PTPN12: variants seen among roughly 807,000 people sequenced by gnomAD.
PTPN12 encodes the protein protein tyrosine phosphatase non-receptor type 12.
Under a neutral mutation model 97.6 loss-of-function variants are expected in PTPN12, and 29 were observed. That is an observed-to-expected ratio of 0.30 (90% CI 0.22 to 0.41). PTPN12 has a LOEUF of 0.41. Among genes scored for constraint, PTPN12 ranks in the 10% least tolerant of loss-of-function variants. The pLI, the probability that PTPN12 is intolerant of heterozygous loss-of-function variation, is 1.00. For missense variants in PTPN12, 819 were observed against 926.0 expected, an observed-to-expected ratio of 0.88 and a Z score of 1.50; for synonymous variants, 327 against 300.4, an observed-to-expected ratio of 1.09 and a Z score of -0.91.
Position 77,551,038 on chromosome 7 carries a change from GTTTATTTA to G in PTPN12, c.99+13408_99+13415del, listed in dbSNP as rs570706561. Among the ~76,000 whole-genome samples, 179 of 151,992 alleles carry G rather than the reference GTTTATTTA, an allele frequency of 1.2e-3. 1 individual carries two copies. The highest frequency in any genetic ancestry group is 2.1e-3 in the Non-Finnish European group (146 of 67,960). On this transcript the variant is annotated intron_variant, in intron 1 of 17. Transcript: ENST00000248594. ...ATGCTTCAGGATCTTGATCCCACTTGTTTATTTATTTATTTATTTATTATTTTTCATTT... is the reference window on the plus strand; with the variant it reads ...ATGCTTCAGGATCTTGATCCCACTTGTTTATTTATTTATTATTTTTCATTT...
chr7:77,617,491 G>C (rs1788791751), intron 11 of PTPN12, among the ~76,000 whole-genome samples: 1 of 152,194 alleles, frequency 6.6e-6, no homozygotes, highest in Non-Finnish European at 1.5e-5. Flanking sequence ...GGAAGTAATT[G>C]AAGTAACAGT....
intron 1 of PTPN12, 88 bp downstream of exon 1, chr7:77,537,733 A>G: frequency 7.2e-7 from 1 of 1,397,300 alleles, no homozygotes; most frequent in Admixed American, 2.3e-5. Flanking sequence ...TGCTTTGTGT[A>G]CCTCTGTGAG....
chr7:77,571,628 T>G lies in PTPN12; in HGVS notation c.208+442T>G, dbSNP rs568585906. ...ACTCAAACATCTGTGTGTCTACTAT[T>G]CTCAGCAGTCTGAATATGTGCCTCT... On this transcript the variant is annotated intron_variant, in intron 2 of 17. Coordinates refer to ENST00000248594, the MANE Select transcript of PTPN12 (RefSeq NM_002835.4). Among the ~76,000 whole-genome samples the G allele has an allele frequency of 2.6e-5, 4 of 152,334 alleles. No homozygotes were observed. In the South Asian group the frequency reaches 8.3e-4, roughly 32 times the overall value.
chr7:77,619,879 C>G (rs1049768707), intron 12 of PTPN12, among the ~76,000 whole-genome samples: 6 of 152,066 alleles, frequency 3.9e-5, no homozygotes, highest in African/African-American at 1.4e-4. Context: ...TTTAAATGTT[C>G]GAGATGTTAA....
At chr7:77,629,389 G>A (rs1321522352) in intron 13 of PTPN12, among the ~76,000 whole-genome samples, 1 of 152,140 alleles carries the variant, frequency 6.6e-6, no homozygotes, top group Non-Finnish European at 1.5e-5. Flanking sequence ...AATTGCTAAT[G>A]TCTTTTGTTC....
At chr7:77,541,167 G>A (rs752561512) in intron 1 of PTPN12, among the ~76,000 whole-genome samples, 2 of 152,064 alleles carry the variant, frequency 1.3e-5, no homozygotes, top group Non-Finnish European at 2.9e-5. Context: ...CCTGGCTCAC[G>A]GCAGCGTCGG....
intron 1 of PTPN12, 70 bp from the exon 2 acceptor site, chr7:77,571,008 C>A: frequency 1.0e-6 from 1 of 1,004,206 alleles, no homozygotes; most frequent in South Asian, 1.7e-5. Context: ...TTGGGGTCAC[C>A]AGATTTCATT....
At chr7:77,596,951 A>C (rs977953391) in intron 6 of PTPN12, among the ~76,000 whole-genome samples, 2 of 152,166 alleles carry the variant, frequency 1.3e-5, no homozygotes, top group Middle Eastern at 3.2e-3. Context: ...TTGAAGAAAT[A>C]TATGATGACG....
chr7:77,583,280 A>G (rs1787581479), intron 3 of PTPN12, among the ~76,000 whole-genome samples: 1 of 152,184 alleles, frequency 6.6e-6, no homozygotes, highest in Non-Finnish European at 1.5e-5. Context: ...ATTAATGCCT[A>G]GATAAGTAAT....
intron 8 of PTPN12, among the ~76,000 whole-genome samples, chr7:77,605,409 GTTTT>G (rs751962814): frequency 0.031 from 2,958 of 95,430 alleles, 530 homozygotes; most frequent in East Asian, 0.12. Flanking sequence ...TTTGTCATGA[GTTTT>G]TTTTTTTTTT....
chr7:77,613,666 G>A (rs550432283), intron 11 of PTPN12, among the ~76,000 whole-genome samples: 45 of 151,814 alleles, frequency 3.0e-4, no homozygotes, highest in Non-Finnish European at 5.9e-4. Context: ...ACCAGCCTGG[G>A]CAACATGGCA....
At chr7:77,605,409 G>GGTTTTTTGT (rs1554321255) in intron 8 of PTPN12, among the ~76,000 whole-genome samples, 3 of 95,560 alleles carry the variant, frequency 3.1e-5, no homozygotes, top group African/African-American at 4.1e-5. Context: ...TTTGTCATGA[G>GGTTTTTTGT]TTTTTTTTTT....
chr7:77,620,452 T>G (rs1194969586), intron 12 of PTPN12, among the ~76,000 whole-genome samples: 1 of 152,234 alleles, frequency 6.6e-6, no homozygotes, highest in African/African-American at 2.4e-5. Flanking sequence ...TTCTTCTTCA[T>G]GTAATGGAGT....
intron 2 of PTPN12, among the ~76,000 whole-genome samples, chr7:77,574,154 G>A (rs1408292344): frequency 6.6e-6 from 1 of 152,182 alleles, no homozygotes; most frequent in Non-Finnish European, 1.5e-5. Flanking sequence ...AACATATATG[G>A]TCTGTCATGT....
rs1479570271 is a variant in PTPN12, at chr7:77,592,247, A to T, written c.483A>T (p.Lys161Asn). 1.9e-6 allele frequency: 3 copies of T among 1,608,132 alleles called. No homozygotes were observed. Among genetic ancestry groups the T allele is most frequent in the Non-Finnish European group, 2.5e-6 (3 of 1,178,296 alleles). Reference sequence around the variant, plus strand: ...ACCCCATAACGTTTGCACCATTTAAAATTTCTTGTGTAAGTATCCATTTTT... The same window carrying T: ...ACCCCATAACGTTTGCACCATTTAATATTTCTTGTGTAAGTATCCATTTTT... ...GEDPITFAPF[K>N]ISCEDEQART... is the part of the protein sequence containing the mutation. The change falls in exon 6 of 18, where the codon AAA (lysine) becomes AAT (asparagine). Residue 161 changes from lysine (K) to asparagine (N), a missense_variant. Coordinates refer to ENST00000248594, the MANE Select transcript of PTPN12 (RefSeq NM_002835.4).
chr7:77,606,165 G>T (rs1210654172), intron 8 of PTPN12, among the ~76,000 whole-genome samples: 1 of 151,852 alleles, frequency 6.6e-6, no homozygotes, highest in African/African-American at 2.4e-5. Context: ...TGTTGGCCAG[G>T]GTGGTCTCAA....
chr7:77,598,771 G>C (rs1788099236), intron 7 of PTPN12, among the ~76,000 whole-genome samples: 1 of 151,388 alleles, frequency 6.6e-6, no homozygotes, highest in South Asian at 2.1e-4. Flanking sequence ...AAATGGGTTT[G>C]CTAGAAAATT....
intron 12 of PTPN12, among the ~76,000 whole-genome samples, chr7:77,626,258 G>A (rs1789176745): frequency 6.6e-6 from 1 of 152,124 alleles, no homozygotes; most frequent in Non-Finnish European, 1.5e-5. Flanking sequence ...TCATAGATGG[G>A]AATACTATCT....
chr7:77,581,461 T>G lies in PTPN12; in HGVS notation c.243T>G (p.Thr81=). 1.9e-6 allele frequency: 3 copies of G among 1,608,830 alleles called. No individual in the cohort carries two copies. The highest frequency in any genetic ancestry group is 1.7e-6 in the Non-Finnish European group (2 of 1,176,856). Residue 81 remains threonine, a synonymous_variant, in exon 3 of 18, where the codon ACT becomes ACG. Transcript: ENST00000248594. The stretch of plus-strand genomic sequence containing the variant: ...GCCGAGTTAAATTGACATTAAAGAC[T>G]CCTTCACAAGATTCAGACTATATCA... ...DHSRVKLTLK[T]PSQDSDYINA... is the part of the protein sequence containing the mutation.
Sources: gnomAD v4.1 joint callset for allele counts (sites outside exome capture counted in the v4.1 genomes callset) on GRCh38, gnomAD v4.1.1 for gene constraint, MANE v1.5 for transcripts, NCBI Gene and HGNC (gene_info 2026-07-23, HGNC 2026-07-21) for gene names.